Variants in DGLUCY observed in about 807,000 individuals in gnomAD.
DGLUCY encodes the protein D-glutamate cyclase, mitochondrial.
Under a neutral mutation model 58.5 loss-of-function variants are expected in DGLUCY, and 58 were observed. The ratio of observed to expected loss-of-function variants is 0.99; its 90% CI spans 0.80 to 1.23. The LOEUF (loss-of-function observed/expected upper bound fraction) is 1.23, where lower values mean the gene tolerates loss of function less well. Ranked by LOEUF, DGLUCY falls within the 50% of genes most tolerant of loss-of-function variation. The pLI, the probability that DGLUCY is intolerant of heterozygous loss-of-function variation, is 0.00. For missense variants in DGLUCY, 779 were observed against 784.7 expected, an observed-to-expected ratio of 0.99 and a Z score of 0.09; for synonymous variants, 325 against 314.1, an observed-to-expected ratio of 1.03 and a Z score of -0.37.
At chr14:91,194,544 C>T (rs2050092360) in intron 9 of DGLUCY, among the ~76,000 whole-genome samples, 1 of 140,918 alleles carries the variant, frequency 7.1e-6, no homozygotes, top group African/African-American at 2.6e-5. Context: ...GTGAGGGATC[C>T]TTTTTTTTTT....
At chr14:91,215,299 T>C in intron 12 of DGLUCY, 106 bp from the exon 13 acceptor site, 1 of 1,498,708 alleles carries the variant, frequency 6.7e-7, no homozygotes, top group Non-Finnish European at 8.9e-7. Flanking sequence ...ATACTGGTGC[T>C]ACGGGACCGT....
intron 1 of DGLUCY, among the ~76,000 whole-genome samples, chr14:91,061,720 G>A (rs1452085706): frequency 6.6e-6 from 1 of 152,246 alleles, no homozygotes; most frequent in Non-Finnish European, 1.5e-5. Context: ...TGATTGATAA[G>A]GTTAGATGAA....
intron 1 of DGLUCY, among the ~76,000 whole-genome samples, chr14:91,068,292 C>T (rs1011938505): frequency 6.6e-6 from 1 of 152,176 alleles, no homozygotes; most frequent in African/African-American, 2.4e-5. Flanking sequence ...GTTCCACCTC[C>T]GTTTCAACCT....
Position 91,135,738 on chromosome 14 carries a change from C to A in DGLUCY, c.-82+21455C>A, listed in dbSNP as rs192321160. Among the ~76,000 whole-genome samples, 167 of 143,884 alleles carry A rather than the reference C, an allele frequency of 1.2e-3. 6 individuals carry two copies. The South Asian group carries it at 0.036, about 31-fold the overall frequency. 94.4% of individuals were successfully genotyped at this position (143,884 alleles called of 152,430 possible). A position where few individuals can be genotyped will look rare whatever the true frequency, so the allele number is the denominator to read the frequency against. On this transcript the variant is annotated intron_variant, in intron 1 of 13. Coordinates refer to ENST00000256324, the MANE Select transcript of DGLUCY (RefSeq NM_001102368.3). ...CTTGCTAGATGTTCTTTATCAACTTCTAGTTCAAATTAGTTGAGTTTTTAT... is the reference window on the plus strand; with the variant it reads ...CTTGCTAGATGTTCTTTATCAACTTATAGTTCAAATTAGTTGAGTTTTTAT...
intron 9 of DGLUCY, among the ~76,000 whole-genome samples, chr14:91,190,132 C>T (rs61707917): frequency 0.021 from 3,173 of 151,522 alleles, 71 homozygotes; most frequent in African/African-American, 0.054. Flanking sequence ...GGACTACAGG[C>T]GCCCGCTACC....
exon 1 of DGLUCY, chr14:91,060,475 A>G: frequency 7.4e-7 from 1 of 1,352,258 alleles, no homozygotes; most frequent in South Asian, 2.0e-5. Context: ...CTACGAGGGG[A>G]ACCCAGGAGA....
intron 8 of DGLUCY, among the ~76,000 whole-genome samples, chr14:91,185,986 G>A (rs534220368): frequency 1.3e-5 from 2 of 151,910 alleles, no homozygotes; most frequent in Non-Finnish European, 2.9e-5. Context: ...CATCTTGAGC[G>A]TTACTCACTG....
At chr14:91,108,274 A>G (rs1048207768) in intron 1 of DGLUCY, among the ~76,000 whole-genome samples, 2 of 152,006 alleles carry the variant, frequency 1.3e-5, no homozygotes, top group East Asian at 3.9e-4. Flanking sequence ...TACTGGGTTC[A>G]TCATGGAATT....
chr14:91,081,929 C>G, intron 1 of DGLUCY, among the ~76,000 whole-genome samples: 1 of 151,902 alleles, frequency 6.6e-6, no homozygotes, highest in East Asian at 1.9e-4. Flanking sequence ...TTTCTGTTGT[C>G]ACATCTCCTC....
At chr14:91,222,768 T>A (rs1189297877) in intron 13 of DGLUCY, among the ~76,000 whole-genome samples, 1 of 152,218 alleles carries the variant, frequency 6.6e-6, no homozygotes, top group Non-Finnish European at 1.5e-5. Context: ...TTGTCGTAGC[T>A]CAAGCTGCTA....
intron 1 of DGLUCY, chr14:91,145,100 G>A (rs886432481): frequency 6.6e-6 from 1 of 152,152 alleles, no homozygotes; most frequent in African/African-American, 2.4e-5. Flanking sequence ...AGCGTGGGGG[G>A]TTAGAAAAGA....
At position 91,181,214 on chromosome 14, in the gene DGLUCY, A is replaced by G. The variant is rs1357700575; in HGVS notation, c.759A>G (p.Pro253=). ...CETPLAFASI[P]GCTVMTDLKD... is the part of the protein sequence containing the mutation. Reference sequence around the variant, plus strand: ...CCCCACTGGCTTTTGCCAGCATCCCAGGCTGCACAGTTATGACTGACCTGA... The same window carrying G: ...CCCCACTGGCTTTTGCCAGCATCCCGGGCTGCACAGTTATGACTGACCTGA... Residue 253 remains proline (P), a synonymous_variant, in exon 8 of 14, where the codon CCA becomes CCG. Transcript: ENST00000256324. The G allele has an allele frequency of 6.2e-7, 1 of 1,614,034 alleles. No individual in the cohort carries two copies. The highest frequency in any genetic ancestry group is 2.2e-5 in the East Asian group (1 of 44,894).
intron 13 of DGLUCY, among the ~76,000 whole-genome samples, chr14:91,219,299 TGAG>T (rs1887080558): frequency 6.6e-6 from 1 of 152,050 alleles, no homozygotes; most frequent in Admixed American, 6.6e-5. Flanking sequence ...TGAGCTGTCT[TGAG>T]GAGTGAGTAG....
chr14:91,167,524 G>T (rs2048348754), intron 4 of DGLUCY, 146 bp downstream of exon 4: 1 of 1,073,772 alleles, frequency 9.3e-7, no homozygotes, highest in Non-Finnish European at 1.4e-6. Context: ...TGTTGCTCAG[G>T]AACGAGCTGC....
intron 1 of DGLUCY, among the ~76,000 whole-genome samples, chr14:91,075,086 AAAG>A (rs947835400): frequency 5.3e-5 from 8 of 151,794 alleles, no homozygotes; most frequent in East Asian, 1.9e-4. Context: ...AAAAAAAAAA[AAAG>A]AAGAATTGCT....
intron 1 of DGLUCY, chr14:91,145,220 G>T (rs1595752055): frequency 2.0e-5 from 3 of 152,178 alleles, no homozygotes; most frequent in Non-Finnish European, 4.4e-5. Context: ...CCATTTCACA[G>T]ATGGAGAAGG....
At chr14:91,098,909 T>C (rs2044438364) in intron 1 of DGLUCY, among the ~76,000 whole-genome samples, 1 of 152,190 alleles carries the variant, frequency 6.6e-6, no homozygotes, top group Non-Finnish European at 1.5e-5. Context: ...CCTATAAATA[T>C]TGGCTGATTG....
At chr14:91,100,070 AAAAAAG>A (rs1401250680) in intron 1 of DGLUCY, among the ~76,000 whole-genome samples, 2 of 148,628 alleles carry the variant, frequency 1.3e-5, no homozygotes, top group Non-Finnish European at 3.0e-5. Flanking sequence ...AAAAAAAAAA[AAAAAAG>A]AAGAAGAAGA....
chr14:91,128,418 G>A (rs761630397), intron 1 of DGLUCY, among the ~76,000 whole-genome samples: 84 of 151,720 alleles, frequency 5.5e-4, no homozygotes, highest in African/African-American at 1.6e-3. Flanking sequence ...TCACTTGAGC[G>A]CAGGCATGGA....
Sources: allele counts gnomAD v4.1 joint callset (sites outside exome capture counted in the v4.1 genomes callset), GRCh38; gene constraint gnomAD v4.1.1; transcripts MANE v1.5; gene names NCBI Gene and HGNC (gene_info 2026-07-23, HGNC 2026-07-21).